Variants in DLGAP2 observed in about 807,000 individuals in gnomAD.
The protein encoded by DLGAP2 is disks large-associated protein 2.
A neutral mutation model predicts 100.3 loss-of-function variants in DLGAP2; 26 were observed. The observed-to-expected ratio is 0.26, with a 90% CI of 0.19 to 0.36. The LOEUF (loss-of-function observed/expected upper bound fraction) is 0.36. DLGAP2 is among the 10% of genes least tolerant of loss of function. DLGAP2 has a pLI of 1.00. For synonymous variants in DLGAP2, 886 were observed against 630.1 expected, an observed-to-expected ratio of 1.41 and a Z score of -6.08; for missense variants, 1,858 against 1,453.2, an observed-to-expected ratio of 1.28 and a Z score of -4.53.
chr8:1,217,068 C>T (rs1051254115), intron 2 of DLGAP2, among the ~76,000 whole-genome samples: 25 of 152,122 alleles, frequency 1.6e-4, no homozygotes, highest in African/African-American at 5.3e-4. Context: ...AGGTAGTGAG[C>T]ATAGTACCCG....
In DLGAP2 at chr8:1,701,370, C is replaced by A. The variant is rs764737686; in HGVS notation, c.3132C>A (p.Ile1044=). 1.3e-6 allele frequency: 2 copies of A among 1,598,540 alleles called. No homozygotes were observed. The highest frequency in any genetic ancestry group is 2.3e-5 in the South Asian group (2 of 88,426). ...CCGCCTCCGAGCGCGCGGACAGCAT[C>A]GAGATCTACATCCCCGAGGCCCAGA... ...QNSASERADS[I]EIYIPEAQTR... The change falls in exon 15 of 15, where the codon ATC becomes ATA. Residue 1044 remains isoleucine (I), a synonymous_variant. Coordinates refer to ENST00000637795, the MANE Select transcript of DLGAP2 (RefSeq NM_001346810.2).
In DLGAP2 at chr8:833,511, G is replaced by C. The variant is rs567329694; in HGVS notation, c.19-74401G>C. 2.6e-5 allele frequency among the ~76,000 whole-genome samples: 4 copies of C among 152,282 alleles called. No homozygotes were observed. The South Asian group carries it at 6.2e-4, about 24-fold the overall frequency. ...TCCATCTGCAAAGCCAGCAGCAGAG[G>C]GTGGGGTGGGGGTGTCTCTGATGCT... On this transcript the variant is annotated intron_variant, in intron 1 of 14. Transcript: ENST00000637795.
In DLGAP2 at chr8:987,375, C is replaced by T. The variant is rs1197167831; in HGVS notation, c.73+79409C>T. Among the ~76,000 whole-genome samples, 4 of 152,276 alleles carry T rather than the reference C, an allele frequency of 2.6e-5. No homozygotes were observed. In the East Asian group the frequency reaches 7.7e-4, roughly 29 times the overall value. On this transcript the variant is annotated intron_variant, in intron 2 of 14. Transcript: ENST00000637795. The stretch of plus-strand genomic sequence containing the variant: ...TGGGAATTGCCTTTGGCCTGGCTTG[C>T]ACACCTGTAGAAATCGTGTGGAAGG...
chr8:981,004 C>G (rs1044529234), intron 2 of DLGAP2, among the ~76,000 whole-genome samples: 1 of 151,972 alleles, frequency 6.6e-6, no homozygotes, highest in African/African-American at 2.4e-5. Context: ...GTTATGTGAC[C>G]AACATTACCA....
chr8:851,070 A>G (rs1797174642), intron 1 of DLGAP2, among the ~76,000 whole-genome samples: 1 of 152,214 alleles, frequency 6.6e-6, no homozygotes, highest in African/African-American at 2.4e-5. Context: ...CATGTTTTTA[A>G]CATATGATTT....
At chr8:1,553,707 C>G (rs139422322) in intron 5 of DLGAP2, among the ~76,000 whole-genome samples, 3 of 152,222 alleles carry the variant, frequency 2.0e-5, no homozygotes, top group African/African-American at 7.2e-5. Flanking sequence ...CCTTTCCTTG[C>G]AGCCATTCGC....
intron 2 of DLGAP2, among the ~76,000 whole-genome samples, chr8:999,757 G>A (rs977203500): frequency 3.3e-5 from 5 of 152,186 alleles, no homozygotes; most frequent in African/African-American, 1.2e-4. Flanking sequence ...GGGATTATAG[G>A]CGTGAGTCAC....
chr8:1,517,036 C>A (rs151124026), intron 4 of DLGAP2, among the ~76,000 whole-genome samples: 1 of 152,154 alleles, frequency 6.6e-6, no homozygotes, highest in African/African-American at 2.4e-5. Context: ...TTCTCACCTC[C>A]GCGGTCACCA....
In DLGAP2 at chr8:983,238, G is replaced by A. The variant is rs1397262822; in HGVS notation, c.73+75272G>A. On this transcript the variant is annotated intron_variant, in intron 2 of 14. Coordinates refer to ENST00000637795, the MANE Select transcript of DLGAP2 (RefSeq NM_001346810.2). ...GGTGGAAGGTACAGGTCCTCGAGAT[G>A]TTCTTGTGTCCCTTAGAATCCACGT... 2.6e-5 allele frequency among the ~76,000 whole-genome samples: 4 copies of A among 152,266 alleles called. No individual in the cohort carries two copies. The East Asian group carries it at 7.7e-4, about 29-fold the overall frequency.
chr8:1,223,692 C>T (rs71516161), intron 2 of DLGAP2, among the ~76,000 whole-genome samples: 2,529 of 152,274 alleles, frequency 0.017, 32 homozygotes, highest in Non-Finnish European at 0.024. Context: ...GACTTGTCTG[C>T]CACTGTGGGC....
intron 2 of DLGAP2, among the ~76,000 whole-genome samples, chr8:910,233 C>G (rs1429729562): frequency 1.3e-5 from 2 of 152,218 alleles, no homozygotes; most frequent in Non-Finnish European, 2.9e-5. Flanking sequence ...TGAATCATCA[C>G]TTTTTTCTCG....
chr8:756,057 G>C (rs1312857234), intron 1 of DLGAP2, among the ~76,000 whole-genome samples: 1 of 152,230 alleles, frequency 6.6e-6, no homozygotes, highest in Non-Finnish European at 1.5e-5. Context: ...TTAGGGGCCA[G>C]GCTGTGAGGG....
chr8:1,048,228 C>T (rs546934264), intron 2 of DLGAP2, among the ~76,000 whole-genome samples: 11 of 152,220 alleles, frequency 7.2e-5, no homozygotes, highest in African/African-American at 2.6e-4. Flanking sequence ...GAACTGTGCC[C>T]GGCGCGTGTT....
chr8:1,295,482 A>G (rs1178565890), intron 3 of DLGAP2, among the ~76,000 whole-genome samples: 1 of 151,858 alleles, frequency 6.6e-6, no homozygotes, highest in Non-Finnish European at 1.5e-5. Flanking sequence ...CGTCAGCGGG[A>G]AGCACACTCT....
intron 2 of DLGAP2, among the ~76,000 whole-genome samples, chr8:989,352 T>G (rs1406586369): frequency 6.6e-6 from 1 of 152,044 alleles, no homozygotes; most frequent in African/African-American, 2.4e-5. Flanking sequence ...TGTCTTCGGG[T>G]TTTTTATGCC....
At chr8:1,355,817 G>C (rs923206197) in intron 3 of DLGAP2, among the ~76,000 whole-genome samples, 14 of 152,050 alleles carry the variant, frequency 9.2e-5, no homozygotes, top group Non-Finnish European at 4.4e-5. Context: ...CACGGTCCTG[G>C]CCATGCCCAC....
At chr8:1,559,985 T>C (rs2130554849) in intron 5 of DLGAP2, among the ~76,000 whole-genome samples, 1 of 152,318 alleles carries the variant, frequency 6.6e-6, no homozygotes, top group South Asian at 2.1e-4. Flanking sequence ...CACACTGGCT[T>C]CTCCACCCTG....
At chr8:1,072,273 C>G (rs936956324) in intron 2 of DLGAP2, among the ~76,000 whole-genome samples, 1 of 152,130 alleles carries the variant, frequency 6.6e-6, no homozygotes, top group Non-Finnish European at 1.5e-5. Flanking sequence ...CTTTCCACTT[C>G]CATCGGGGAT....
At chr8:1,661,103 C>G (rs564788640) in intron 8 of DLGAP2, among the ~76,000 whole-genome samples, 1 of 152,338 alleles carries the variant, frequency 6.6e-6, no homozygotes, top group East Asian at 1.9e-4. Flanking sequence ...AGTGTTCAAG[C>G]TCTAGCTCTT....
Sources: allele counts gnomAD v4.1 joint callset (sites outside exome capture counted in the v4.1 genomes callset), GRCh38; gene constraint gnomAD v4.1.1; transcripts MANE v1.5; gene names NCBI Gene and HGNC (gene_info 2026-07-23, HGNC 2026-07-21).